OPCML: variants seen among roughly 807,000 people sequenced by gnomAD.
OPCML encodes opioid-binding protein/cell adhesion molecule.
A neutral mutation model predicts 37.8 loss-of-function variants in OPCML; 13 were observed. That is an observed-to-expected ratio of 0.34 (90% CI 0.22 to 0.55). The LOEUF is 0.55. OPCML is among the 20% of genes least tolerant of loss of function. OPCML has a pLI of 0.91. For missense variants in OPCML, 341 were observed against 435.6 expected (o/e 0.78, Z 1.93); for synonymous variants, 176 against 168.8 (o/e 1.04, Z -0.33).
At chr11:132,977,888 T>C (rs1034955619) in intron 1 of OPCML, among the ~76,000 whole-genome samples, 1 of 152,182 alleles carries the variant, frequency 6.6e-6, no homozygotes. Context: ...TATGATCTCA[T>C]TGGAGAGATA....
At chr11:133,421,155 G>T (rs1945877946) in intron 1 of OPCML, 1 of 985,424 alleles carries the variant, frequency 1.0e-6, no homozygotes, top group Non-Finnish European at 1.2e-6. Flanking sequence ...GTTGAATAAT[G>T]AAATTTTAGT....
At chr11:132,664,273 T>C (rs1449526542) in intron 2 of OPCML, among the ~76,000 whole-genome samples, 1 of 152,150 alleles carries the variant, frequency 6.6e-6, no homozygotes, top group Non-Finnish European at 1.5e-5. Context: ...TTTTTTTTAA[T>C]AGTTACCACT....
chr11:133,372,142 T>A (rs1213510179), intron 1 of OPCML, among the ~76,000 whole-genome samples: 3 of 152,200 alleles, frequency 2.0e-5, no homozygotes, highest in African/African-American at 4.8e-5. Context: ...TTAGCAACAA[T>A]GCATTGTATA....
At chr11:132,655,519 A>T (rs972996482) in intron 3 of OPCML, among the ~76,000 whole-genome samples, 8 of 152,184 alleles carry the variant, frequency 5.3e-5, no homozygotes, top group Non-Finnish European at 8.8e-5. Flanking sequence ...CTGTGGGTGG[A>T]CGTGTATGGA....
chr11:132,505,627 AG>A (rs1295362821), intron 4 of OPCML, among the ~76,000 whole-genome samples: 3 of 152,218 alleles, frequency 2.0e-5, no homozygotes, highest in Non-Finnish European at 4.4e-5. Flanking sequence ...ACCTTAAAAC[AG>A]CAACAAAATT....
intron 1 of OPCML, among the ~76,000 whole-genome samples, chr11:133,322,950 A>T (rs1238154759): frequency 3.3e-5 from 5 of 152,240 alleles, no homozygotes; most frequent in Admixed American, 2.6e-4. Flanking sequence ...TACTTGCACA[A>T]GACCTGGTAT....
In OPCML at chr11:132,531,854, G is replaced by A. The variant is rs556154681; in HGVS notation, c.380-2668C>T. ...ACTTCTGTAAAGCAACAACTCGAGT[G>A]CAACTTCCAAAATATTCTCAGAATA... On this transcript the variant is annotated intron_variant, in intron 3 of 7. Transcript: ENST00000524381. Among the ~76,000 whole-genome samples the A allele has an allele frequency of 5.3e-5, 8 of 151,858 alleles. No homozygotes were observed. The East Asian group carries it at 1.6e-3, about 29-fold the overall frequency.
intron 1 of OPCML, among the ~76,000 whole-genome samples, chr11:133,474,907 C>T (rs1414023615): frequency 6.6e-6 from 1 of 152,180 alleles, no homozygotes; most frequent in Non-Finnish European, 1.5e-5. Flanking sequence ...ACAGAGGATC[C>T]TCAGGAGGTA....
intron 1 of OPCML, among the ~76,000 whole-genome samples, chr11:132,990,528 A>T (rs1190509402): frequency 1.3e-5 from 2 of 152,210 alleles, no homozygotes; most frequent in African/African-American, 4.8e-5. Flanking sequence ...CCTATTTGTC[A>T]TATGAGAGAG....
chr11:133,288,313 A>G (rs1942361904), intron 1 of OPCML, among the ~76,000 whole-genome samples: 1 of 152,266 alleles, frequency 6.6e-6, no homozygotes, highest in South Asian at 2.1e-4. Flanking sequence ...GCTGGCCTGG[A>G]GGTATTCCTG....
intron 3 of OPCML, among the ~76,000 whole-genome samples, chr11:132,583,666 G>A (rs1004533424): frequency 1.3e-5 from 2 of 151,950 alleles, no homozygotes; most frequent in Non-Finnish European, 2.9e-5. Flanking sequence ...TCCCAGGCTG[G>A]AGTGTAATGG....
At chr11:133,044,847 G>A (rs1361937663) in intron 1 of OPCML, among the ~76,000 whole-genome samples, 2 of 152,124 alleles carry the variant, frequency 1.3e-5, no homozygotes, top group African/African-American at 4.8e-5. Flanking sequence ...GCAGTGAACA[G>A]TCACAGATTC....
At chr11:132,759,282 C>T (rs759253757) in intron 2 of OPCML, among the ~76,000 whole-genome samples, 2 of 152,078 alleles carry the variant, frequency 1.3e-5, no homozygotes. Flanking sequence ...GCGTCTCTGC[C>T]AGGTTTTGGT....
At chr11:132,446,138 G>T (rs927385920) in intron 4 of OPCML, among the ~76,000 whole-genome samples, 30 of 131,594 alleles carry the variant, frequency 2.3e-4, no homozygotes, top group Non-Finnish European at 3.0e-4. Context: ...TTTGAGATGG[G>T]TTCATTATGT....
At chr11:133,266,984 T>C (rs1941681501) in intron 1 of OPCML, among the ~76,000 whole-genome samples, 1 of 152,148 alleles carries the variant, frequency 6.6e-6, no homozygotes, top group South Asian at 2.1e-4. Context: ...TTTGGACAGA[T>C]AAAGATCTTC....
intron 2 of OPCML, among the ~76,000 whole-genome samples, chr11:132,673,214 TTGGTC>T (rs1377517945): frequency 1.3e-5 from 2 of 152,184 alleles, no homozygotes; most frequent in African/African-American, 4.8e-5. Flanking sequence ...CGCTCATGAC[TTGGTC>T]TTGTCCTTAG....
At chr11:132,559,481 T>G (rs1294244406) in intron 3 of OPCML, among the ~76,000 whole-genome samples, 1 of 152,216 alleles carries the variant, frequency 6.6e-6, no homozygotes, top group African/African-American at 2.4e-5. Flanking sequence ...GCTAATCCAT[T>G]ATCTGCAACC....
intron 3 of OPCML, among the ~76,000 whole-genome samples, chr11:132,533,708 T>C (rs1344229329): frequency 1.3e-5 from 2 of 152,150 alleles, no homozygotes; most frequent in African/African-American, 4.8e-5. Context: ...ACTTGTATAT[T>C]TACCTGTACC....
chr11:133,021,860 C>T (rs1003783476), intron 1 of OPCML, among the ~76,000 whole-genome samples: 16 of 152,348 alleles, frequency 1.1e-4, no homozygotes, highest in Non-Finnish European at 1.6e-4. Flanking sequence ...GCCTGTGACA[C>T]GGCAGTGTGC....
Sources: allele counts gnomAD v4.1 joint callset (sites outside exome capture counted in the v4.1 genomes callset), GRCh38; gene constraint gnomAD v4.1.1; transcripts MANE v1.5; gene names NCBI Gene and HGNC (gene_info 2026-07-23, HGNC 2026-07-21).